Variants in COL15A1 observed in about 807,000 individuals in gnomAD.
COL15A1 encodes collagen type XV alpha 1 chain.
A neutral mutation model predicts 165.9 loss-of-function variants in COL15A1; 111 were observed. That is an observed-to-expected ratio of 0.67 (90% CI 0.57 to 0.78). The LOEUF is 0.78. COL15A1 is among the 30% of genes least tolerant of loss of function. The pLI, the probability that COL15A1 is intolerant of heterozygous loss-of-function variation, is 0.00. For synonymous variants in COL15A1, 659 were observed against 674.8 expected, an observed-to-expected ratio of 0.98 and a Z score of 0.36; for missense variants, 1,745 against 1,789.7, an observed-to-expected ratio of 0.98 and a Z score of 0.45.
intron 9 of COL15A1, among the ~76,000 whole-genome samples, chr9:99,006,447 C>A (rs1838764286): frequency 6.6e-6 from 1 of 152,230 alleles, no homozygotes. Flanking sequence ...TCATTGCACA[C>A]ACTTGTGCCC....
At chr9:99,011,472 A>G (rs1395395431) in intron 9 of COL15A1, among the ~76,000 whole-genome samples, 1 of 147,956 alleles carries the variant, frequency 6.8e-6, no homozygotes. Flanking sequence ...TCTTTCTTGT[A>G]TAAAATTATT....
At chr9:98,958,264 G>A (rs568854637) in intron 2 of COL15A1, among the ~76,000 whole-genome samples, 1 of 152,350 alleles carries the variant, frequency 6.6e-6, no homozygotes, top group East Asian at 1.9e-4. Flanking sequence ...TCGTTAGCAT[G>A]AACATGCTAG....
chr9:98,978,010 G>T (rs577209145), intron 2 of COL15A1, among the ~76,000 whole-genome samples: 1 of 152,150 alleles, frequency 6.6e-6, no homozygotes, highest in Non-Finnish European at 1.5e-5. Context: ...TGGAGTGGTC[G>T]GGGCTGTGGG....
chr9:98,970,842 CG>C (rs2118836612), intron 2 of COL15A1, among the ~76,000 whole-genome samples: 1 of 151,918 alleles, frequency 6.6e-6, no homozygotes, highest in African/African-American at 2.4e-5. Context: ...GTGCATGAGT[CG>C]GTGTATACTG....
Position 99,022,162 on chromosome 9 carries a change from A to G in COL15A1, c.1761+12A>G, listed in dbSNP as rs376969927. The G allele has an allele frequency of 1.2e-5, 20 of 1,613,972 alleles. No individual in the cohort carries two copies. The East Asian group carries it at 2.2e-4, about 18-fold the overall frequency. On this transcript the variant is annotated intron_variant, in intron 13 of 41. Coordinates refer to ENST00000375001, the MANE Select transcript of COL15A1 (RefSeq NM_001855.5). ...CTGTTGGACCCACGGTGAGATTCCC[A>G]TCCAGGCTTGTCACACACACAGGTG... is the stretch of plus-strand genomic sequence containing the variant.
Position 99,023,367 on chromosome 9 carries a change from A to G in COL15A1, c.1772A>G (p.Glu591Gly). 6.2e-7 allele frequency: 1 copy of G among 1,607,920 alleles called. No individual in the cohort carries two copies. The highest frequency in any genetic ancestry group is 8.5e-7 in the Non-Finnish European group (1 of 1,176,394). ...SGPVGPTAGA[E>G]AEGSGLGWGS... ...TTCTTCTCTTTCCAGGCAGGAGCAG[A>G]AGCAGAGGGCTCTGGCCTAGGCTGG... Residue 591 changes from glutamate (E) to glycine (G), a missense_variant, in exon 14 of 42, where the codon GAA becomes GGA. Coordinates refer to ENST00000375001, the MANE Select transcript of COL15A1 (RefSeq NM_001855.5).
At position 99,055,274 on chromosome 9, in the gene COL15A1, G is replaced by T; in HGVS notation, c.3094G>T (p.Asp1032Tyr). 6.2e-7 allele frequency: 1 copy of T among 1,612,478 alleles called. No individual in the cohort carries two copies. Among genetic ancestry groups the T allele is most frequent in the Non-Finnish European group, 8.5e-7 (1 of 1,178,510 alleles). ...TCTCTGCTTCCAGGGGGAGAATGGAGACAAGGGGTTCAAAGGTGAAAAAGG... is the reference window on the plus strand; with the variant it reads ...TCTCTGCTTCCAGGGGGAGAATGGATACAAGGGGTTCAAAGGTGAAAAAGG... ...FLNNLKGENG[D>Y]KGFKGEKGEK... Residue 1032 changes from aspartate (D) to tyrosine (Y), a missense_variant, in exon 34 of 42, where the codon GAC (aspartate) becomes TAC (tyrosine). Transcript: ENST00000375001.
chr9:99,052,456 T>C, intron 31 of COL15A1, 23 bp downstream of exon 31: 1 of 1,570,484 alleles, frequency 6.4e-7, no homozygotes, highest in Non-Finnish European at 8.8e-7. Context: ...TTCTTCATCA[T>C]TTGTTTCTCT....
At chr9:99,061,853 C>A (rs1825819489) in intron 36 of COL15A1, 118 bp from the exon 37 acceptor site, 1 of 1,069,066 alleles carries the variant, frequency 9.4e-7, no homozygotes, top group Non-Finnish European at 1.4e-6. Flanking sequence ...CATTAACAAG[C>A]CTCTTTATTG....
At chr9:98,959,998 C>T (rs565289586) in intron 2 of COL15A1, among the ~76,000 whole-genome samples, 121 of 152,288 alleles carry the variant, frequency 7.9e-4, no homozygotes, top group Admixed American at 2.7e-3. Context: ...CCTTTGCTTG[C>T]GCTGTTCCTC....
intron 2 of COL15A1, among the ~76,000 whole-genome samples, chr9:98,962,335 CT>C (rs1391140422): frequency 6.6e-6 from 1 of 152,184 alleles, no homozygotes; most frequent in African/African-American, 2.4e-5. Context: ...TACGCCTCTC[CT>C]GTCCAAGCCA....
intron 30 of COL15A1, among the ~76,000 whole-genome samples, chr9:99,051,245 C>T (rs187957201): frequency 1.1e-3 from 173 of 152,250 alleles, no homozygotes; most frequent in African/African-American, 3.9e-3. Context: ...TTTTAGAGTG[C>T]GGTAAAAATG....
At chr9:99,007,235 G>C (rs1375152213) in intron 9 of COL15A1, among the ~76,000 whole-genome samples, 2 of 152,156 alleles carry the variant, frequency 1.3e-5, no homozygotes, top group Non-Finnish European at 2.9e-5. Context: ...TCTGTCCTTT[G>C]TCTGTAAGGA....
At chr9:99,059,028 G>A (rs977144550) in intron 35 of COL15A1, among the ~76,000 whole-genome samples, 1 of 152,202 alleles carries the variant, frequency 6.6e-6, no homozygotes, top group African/African-American at 2.4e-5. Context: ...AGGAATAGTT[G>A]TAATTATACT....
chr9:98,974,168 G>C (rs898090871), intron 2 of COL15A1, among the ~76,000 whole-genome samples: 38 of 152,214 alleles, frequency 2.5e-4, no homozygotes, highest in African/African-American at 8.0e-4. Flanking sequence ...ACATGAGAAA[G>C]GACTTCCGAA....
chr9:98,955,630 G>C (rs896875442), intron 2 of COL15A1, among the ~76,000 whole-genome samples: 1 of 152,222 alleles, frequency 6.6e-6, no homozygotes, highest in African/African-American at 2.4e-5. Context: ...GGTGAGAGTA[G>C]GCACTGCCTA....
intron 11 of COL15A1, among the ~76,000 whole-genome samples, chr9:99,019,057 G>C (rs941105533): frequency 4.6e-5 from 7 of 152,206 alleles, no homozygotes; most frequent in Non-Finnish European, 1.0e-4. Flanking sequence ...GTCTGATGAA[G>C]ACATTCCTGC....
rs150609975 is a variant in COL15A1 at position 99,035,404 on chromosome 9, C to A, written c.2275C>A (p.Pro759Thr). The A allele has an allele frequency of 3.1e-6, 5 of 1,614,050 alleles. No individual in the cohort carries two copies. Among genetic ancestry groups the A allele is most frequent in the Non-Finnish European group, 4.2e-6 (5 of 1,180,038 alleles). Residue 759 changes from proline to threonine, a missense_variant, in exon 19 of 42, where the codon CCA becomes ACA. Coordinates refer to ENST00000375001, the MANE Select transcript of COL15A1 (RefSeq NM_001855.5). ...ATTGAATGAACCCAAACTCTCCAGA[C>A]CAACGGCTGCAATTGTAGGTCGCCT... ...QLLNEPKLSR[P>T]TAAIGLKGEK...
At chr9:99,022,527 C>T (rs1402720285) in intron 13 of COL15A1, among the ~76,000 whole-genome samples, 1 of 152,186 alleles carries the variant, frequency 6.6e-6, no homozygotes, top group Non-Finnish European at 1.5e-5. Context: ...CAGTGTGTCC[C>T]CATGTCCCCC....
Sources: allele counts gnomAD v4.1 joint callset (sites outside exome capture counted in the v4.1 genomes callset), GRCh38; gene constraint gnomAD v4.1.1; transcripts MANE v1.5; gene names NCBI Gene and HGNC (gene_info 2026-07-23, HGNC 2026-07-21).